ALDH16A1: variants seen among roughly 807,000 people sequenced by gnomAD.
ALDH16A1 encodes the protein aldehyde dehydrogenase 16 family member A1, also known as aldehyde dehydrogenase family 16 member A1.
ALDH16A1 carries 88 observed loss-of-function variants against 96.1 expected under a neutral mutation model. The observed-to-expected ratio is 0.92, with a 90% CI of 0.77 to 1.09. The LOEUF (loss-of-function observed/expected upper bound fraction) is 1.09, where lower values mean the gene tolerates loss of function less well. Ranked by LOEUF, ALDH16A1 falls within the 50% of genes least tolerant of loss-of-function variation. The probability of loss-of-function intolerance (pLI) is 0.00; values close to 1 mark genes in which losing one functional copy is unlikely to be tolerated. For synonymous variants in ALDH16A1, 522 were observed against 496.4 expected (o/e 1.05, Z -0.69); for missense variants, 1,250 against 1,112.6 (o/e 1.12, Z -1.76).
intron 1 of ALDH16A1, chr19:49,453,644 G>T (rs921752378): frequency 2.0e-5 from 10 of 505,132 alleles, no homozygotes; most frequent in Non-Finnish European, 3.2e-5. Context: ...TGGTTCTCTT[G>T]CCCCTTGATC....
Position 49,464,116 on chromosome 19 carries a change from AC to A in ALDH16A1, c.1195-7del. The A allele has an allele frequency of 6.2e-7, 1 of 1,603,678 alleles. No individual in the cohort carries two copies. Among genetic ancestry groups the A allele is most frequent in the Non-Finnish European group, 8.5e-7 (1 of 1,176,158 alleles). On this transcript the variant is annotated splice_polypyrimidine_tract_variant and intron_variant, in intron 9 of 16. Transcript: ENST00000293350. ...CCCTGGAGGGCTGAGCCTCCCGGTCACCCCTTGCAGGTGCCGTGGCCTGTGG... is the reference window on the plus strand; with the variant it reads ...CCCTGGAGGGCTGAGCCTCCCGGTCACCCTTGCAGGTGCCGTGGCCTGTGG...
At chr19:49,453,972 G>A (rs531526682) in intron 1 of ALDH16A1, among the ~76,000 whole-genome samples, 30 of 151,658 alleles carry the variant, frequency 2.0e-4, no homozygotes, top group Admixed American at 5.3e-4. Flanking sequence ...TGACCTCATC[G>A]GAACTCTCAG....
In ALDH16A1 at chr19:49,462,582, C is replaced by G; in HGVS notation, c.925C>G (p.Leu309Val). ...WSDRGPGGLR[L>V]LIQESVWDEA... ...CTTTTCCTCACAGGGTGGCCTCAGG[C>G]TCCTCATCCAGGAGTCTGTGTGGGA... The change falls in exon 8 of 17, where the codon CTC becomes GTC. Residue 309 changes from leucine to valine, a missense_variant. Leu to Val is a conservative substitution (Grantham distance 32, BLOSUM62 1). Coordinates refer to ENST00000293350, the MANE Select transcript of ALDH16A1 (RefSeq NM_153329.4). 3 of 1,612,946 alleles carry G rather than the reference C, an allele frequency of 1.9e-6. No homozygotes were observed. Among genetic ancestry groups the G allele is most frequent in the Non-Finnish European group, 2.5e-6 (3 of 1,179,898 alleles).
chr19:49,459,652 C>T lies in ALDH16A1; in HGVS notation c.321-18C>T, dbSNP rs1601021726. 6.3e-7 allele frequency: 1 copy of T among 1,595,708 alleles called. No homozygotes were observed. The highest frequency in any genetic ancestry group is 1.1e-5 in the South Asian group (1 of 89,156). ...TGAGGGCCGTTGGAAAATGAGCACC[C>T]TCTTGCTTTCTCGACAGGCTGGCCG... On this transcript the variant is annotated intron_variant, in intron 3 of 16. Transcript: ENST00000293350. The surrounding 1 kb of genome is among the most constrained non-coding windows in gnomAD (Gnocchi z 4.1).
chr19:49,470,533 C>T lies in ALDH16A1; in HGVS notation c.*66C>T. ...AAGGGGAGATGCACCCCACAGACACCTGGGACTTTCCCCTTCTGGTTCCTG... is the reference window on the plus strand; with the variant it reads ...AAGGGGAGATGCACCCCACAGACACTTGGGACTTTCCCCTTCTGGTTCCTG... On this transcript the variant is annotated 3_prime_UTR_variant, in exon 17 of 17. Transcript: ENST00000293350. The T allele has an allele frequency of 1.4e-6, 2 of 1,415,992 alleles. No individual in the cohort carries two copies. Among genetic ancestry groups the T allele is most frequent in the Non-Finnish European group, 9.3e-7 (1 of 1,080,898 alleles). 87.7% of individuals were successfully genotyped at this position (1,415,992 alleles called of 1,614,324 possible).
chr19:49,468,776 C>T lies in ALDH16A1; in HGVS notation c.2125-88C>T, dbSNP rs1215147075. 3.1e-5 allele frequency: 46 copies of T among 1,485,118 alleles called. No individual in the cohort carries two copies. Among genetic ancestry groups the T allele is most frequent in the Non-Finnish European group, 4.2e-5 (46 of 1,089,256 alleles). 92.0% of individuals were successfully genotyped at this position (1,485,118 alleles called of 1,614,324 possible). A position where few individuals can be genotyped will look rare whatever the true frequency, so the allele number is the denominator to read the frequency against. On this transcript the variant is annotated intron_variant, in intron 15 of 16. Coordinates refer to ENST00000293350, the MANE Select transcript of ALDH16A1 (RefSeq NM_153329.4). This position sits in a 1 kb window ranked among gnomAD's most constrained non-coding sequence, Gnocchi z 4.4. The stretch of plus-strand genomic sequence containing the variant: ...GCTTTCTCCTCCATGACCCCCCATC[C>T]CCTTCCCTCCCATGGGCACCCCCTG...
rs778467589 is a variant in ALDH16A1, at chr19:49,468,666, C to T, written c.2124+100C>T. On this transcript the variant is annotated intron_variant, in intron 15 of 16. Coordinates refer to ENST00000293350, the MANE Select transcript of ALDH16A1 (RefSeq NM_153329.4). This position sits in a 1 kb window ranked among gnomAD's most constrained non-coding sequence, Gnocchi z 4.4. Reference sequence around the variant, plus strand: ...GGAGCTTGTCTCTTACCCCACCCTCCGTGGTACCCATGCTGCCCCCAGCCC... The same window carrying T: ...GGAGCTTGTCTCTTACCCCACCCTCTGTGGTACCCATGCTGCCCCCAGCCC... 4.5e-5 allele frequency: 66 copies of T among 1,467,214 alleles called. No homozygotes were observed. Among genetic ancestry groups the T allele is most frequent in the Non-Finnish European group, 5.5e-5 (60 of 1,086,218 alleles). The allele number at this position is 1,467,214 out of a possible 1,614,324, so 90.9% of individuals were successfully genotyped here. A position where few individuals can be genotyped will look rare whatever the true frequency, so the allele number is the denominator to read the frequency against.
intron 4 of ALDH16A1, among the ~76,000 whole-genome samples, chr19:49,460,566 C>T (rs541605879): frequency 1.1e-3 from 168 of 152,138 alleles, no homozygotes; most frequent in African/African-American, 3.9e-3. Flanking sequence ...AGGCATGCAC[C>T]ACCACGCCTG....
chr19:49,466,516 C>T (rs770766673), intron 14 of ALDH16A1, among the ~76,000 whole-genome samples: 10 of 152,182 alleles, frequency 6.6e-5, no homozygotes, highest in Non-Finnish European at 1.3e-4. Flanking sequence ...GCGACCCATT[C>T]CTGGACCCTA....
intron 16 of ALDH16A1, chr19:49,469,555 ACT>A (rs997161719): frequency 6.8e-6 from 1 of 148,048 alleles, no homozygotes; most frequent in Non-Finnish European, 1.5e-5. Context: ...GGTTGAGTCT[ACT>A]GTTTTTTTTT....
rs780164878 is a variant in ALDH16A1 at position 49,466,210 on chromosome 19, C to T, written c.1865C>T (p.Ala622Val). ...RQGAELKAAE[A>V]EVELSARRLR... ...GGAGCGGAGCTCAAGGCTGCGGAGG[C>T]GGAGGTGGAGCTGAGCGCAAGACGA... The change falls in exon 14 of 17, where the codon GCG becomes GTG. Residue 622 changes from alanine (A) to valine (V), a missense_variant. Transcript: ENST00000293350. The T allele has an allele frequency of 3.9e-6, 6 of 1,532,766 alleles. No homozygotes were observed. The highest frequency in any genetic ancestry group is 3.4e-4 in the Middle Eastern group (2 of 5,798). 94.9% of individuals were successfully genotyped at this position (1,532,766 alleles called of 1,614,324 possible).
chr19:49,468,579 G>A lies in ALDH16A1; in HGVS notation c.2124+13G>A, dbSNP rs755764783. ...GGAGGTCTGCCAGGTATAGCCCCCT[G>A]CCTTCCTGCCTCTCCTCCCCGTAGC... is the stretch of plus-strand genomic sequence containing the variant. On this transcript the variant is annotated intron_variant, in intron 15 of 16. Transcript: ENST00000293350. This position sits in a 1 kb window ranked among gnomAD's most constrained non-coding sequence, Gnocchi z 4.4. 1.1e-5 allele frequency: 17 copies of A among 1,600,612 alleles called. No individual in the cohort carries two copies. Among genetic ancestry groups the A allele is most frequent in the Non-Finnish European group, 1.4e-5 (17 of 1,178,462 alleles).
chr19:49,453,298 C>T lies in ALDH16A1; in HGVS notation c.-34C>T, dbSNP rs370626206. ...AAGGTTCCCCTTAACACAGAGCGCCCCGCAGTCTTCGCGGAAAGCGTTCGG... is the reference window on the plus strand; with the variant it reads ...AAGGTTCCCCTTAACACAGAGCGCCTCGCAGTCTTCGCGGAAAGCGTTCGG... On this transcript the variant is annotated 5_prime_UTR_variant, in exon 1 of 17. Coordinates refer to ENST00000293350, the MANE Select transcript of ALDH16A1 (RefSeq NM_153329.4). The T allele has an allele frequency of 5.9e-5, 90 of 1,527,624 alleles. No individual in the cohort carries two copies. Among genetic ancestry groups the T allele is most frequent in the Non-Finnish European group, 1.1e-5 (12 of 1,136,500 alleles). 94.6% of individuals were successfully genotyped at this position (1,527,624 alleles called of 1,614,324 possible). A position where few individuals can be genotyped will look rare whatever the true frequency, so the allele number is the denominator to read the frequency against.
At chr19:49,464,091 C>T (rs753353889) in intron 9 of ALDH16A1, 36 bp from the exon 10 acceptor site, 1 of 1,597,792 alleles carries the variant, frequency 6.3e-7, no homozygotes. Flanking sequence ...GGTGGGTGGG[C>T]CCTGGAGGGC....
At chr19:49,455,627 G>A (rs1347736769) in intron 1 of ALDH16A1, among the ~76,000 whole-genome samples, 1 of 151,904 alleles carries the variant, frequency 6.6e-6, no homozygotes, top group Non-Finnish European at 1.5e-5. Flanking sequence ...CCAGGCAAGT[G>A]GCTCACACCT....
At chr19:49,460,790 A>C (rs2079135167) in intron 4 of ALDH16A1, 32 bp from the exon 5 acceptor site, 1 of 1,595,080 alleles carries the variant, frequency 6.3e-7, no homozygotes, top group South Asian at 1.1e-5. Flanking sequence ...CCTAGCCTCA[A>C]GGGATCCTCT....
chr19:49,460,895 T>A lies in ALDH16A1; in HGVS notation c.573T>A (p.Ala191=). The change falls in exon 5 of 17, where the codon GCT becomes GCA. Residue 191 remains alanine (A), a synonymous_variant. Coordinates refer to ENST00000293350, the MANE Select transcript of ALDH16A1 (RefSeq NM_153329.4). ...TGTGGAGGATTTGCCCTGCCCTGGC[T>A]GTGGGTAAATGATGGCCTGGGGGGT... is the stretch of plus-strand genomic sequence containing the variant. ...EMMWRICPAL[A]VGCTVVALVP... 6.2e-7 allele frequency: 1 copy of A among 1,613,250 alleles called. No individual in the cohort carries two copies. The highest frequency in any genetic ancestry group is 1.3e-5 in the African/African-American group (1 of 75,012).
rs149471991 is a variant in ALDH16A1 at position 49,453,250 on chromosome 19, G to C, written c.-82G>C. On this transcript the variant is annotated 5_prime_UTR_variant, in exon 1 of 17. Coordinates refer to ENST00000293350, the MANE Select transcript of ALDH16A1 (RefSeq NM_153329.4). ...AGCCCCGCCCCTTTGGGCTGGAACCGGAGGTGTCGCTCTTCGGACCTCAAG... is the reference window on the plus strand; with the variant it reads ...AGCCCCGCCCCTTTGGGCTGGAACCCGAGGTGTCGCTCTTCGGACCTCAAG... The C allele has an allele frequency of 2.3e-6, 3 of 1,294,756 alleles. No homozygotes were observed. Among genetic ancestry groups the C allele is most frequent in the Admixed American group, 2.3e-5 (1 of 43,556 alleles). 80.2% of individuals were successfully genotyped at this position (1,294,756 alleles called of 1,614,324 possible). A position where few individuals can be genotyped will look rare whatever the true frequency, so the allele number is the denominator to read the frequency against.
In ALDH16A1 at chr19:49,459,610, C is replaced by T. The variant is rs546395105; in HGVS notation, c.321-60C>T. On this transcript the variant is annotated intron_variant, in intron 3 of 16. Coordinates refer to ENST00000293350, the MANE Select transcript of ALDH16A1 (RefSeq NM_153329.4). The surrounding 1 kb of genome is among the most constrained non-coding windows in gnomAD (Gnocchi z 4.1). The stretch of plus-strand genomic sequence containing the variant: ...TGTAGTCCAGGTATATAGGAGCAGC[C>T]CAGGACTCTGCAAGGCTGAGGGCCG... 1.4e-4 allele frequency: 211 copies of T among 1,544,134 alleles called. No homozygotes were observed. The highest frequency in any genetic ancestry group is 1.8e-4 in the Non-Finnish European group (206 of 1,146,788).
Sources: gnomAD v4.1 joint callset for allele counts (sites outside exome capture counted in the v4.1 genomes callset) on GRCh38, gnomAD v4.1.1 for gene constraint, Gnocchi (gnomAD v3.1) non-coding constraint, MANE v1.5 for transcripts, NCBI Gene and HGNC (gene_info 2026-07-23, HGNC 2026-07-21) for gene names.